The following AP2A2 variants were observed in gnomAD, a reference collection of about 807,000 sequenced individuals.
The protein encoded by AP2A2 is AP-2 complex subunit alpha-2.
Under a neutral mutation model 104.2 loss-of-function variants are expected in AP2A2, and 32 were observed. That is an observed-to-expected ratio of 0.31 (90% CI 0.23 to 0.41). AP2A2 has a LOEUF of 0.41. Among genes scored for constraint, AP2A2 ranks in the 10% least tolerant of loss-of-function variants. The pLI, the probability that AP2A2 is intolerant of heterozygous loss-of-function variation, is 1.00. For missense variants in AP2A2, 912 were observed against 1,261.0 expected (o/e 0.72, Z 4.19); for synonymous variants, 539 against 533.3 (o/e 1.01, Z -0.15).
intron 15 of AP2A2, among the ~76,000 whole-genome samples, chr11:1,001,074 G>A (rs964238232): frequency 1.3e-5 from 2 of 152,146 alleles, no homozygotes; most frequent in Non-Finnish European, 2.9e-5. Context: ...CTTCTGTGAG[G>A]CCCACCCTGC....
chr11:979,675 C>CCTCA (rs1726751169), intron 5 of AP2A2, among the ~76,000 whole-genome samples: 1 of 152,204 alleles, frequency 6.6e-6, no homozygotes, highest in Non-Finnish European at 1.5e-5. Flanking sequence ...GATTGTCCTG[C>CCTCA]CTCAGCTTCC....
At chr11:997,963 C>A (rs958980354) in intron 14 of AP2A2, among the ~76,000 whole-genome samples, 1 of 152,140 alleles carries the variant, frequency 6.6e-6, no homozygotes, top group Non-Finnish European at 1.5e-5. Flanking sequence ...GTGCAGGAAC[C>A]AGGGTAACAT....
At chr11:994,419 C>G (rs1165008009) in intron 14 of AP2A2, among the ~76,000 whole-genome samples, 174 bp downstream of exon 14, 2 of 151,798 alleles carry the variant, frequency 1.3e-5, no homozygotes. Context: ...GCTGGACACG[C>G]TGCTGTCCTG....
intron 4 of AP2A2, among the ~76,000 whole-genome samples, chr11:973,501 G>A (rs1190747771): frequency 6.6e-6 from 1 of 152,214 alleles, no homozygotes; most frequent in East Asian, 1.9e-4. Context: ...AGAGCTCAGA[G>A]ATGGGTGACC....
intron 6 of AP2A2, among the ~76,000 whole-genome samples, chr11:983,050 G>A (rs566880943): frequency 8.0e-5 from 9 of 113,006 alleles, no homozygotes; most frequent in Non-Finnish European, 1.4e-4. Context: ...AGTCGGAGTC[G>A]CACTCTGTTG....
Position 925,984 on chromosome 11 carries a change from CG to C in AP2A2, c.-35del. On this transcript the variant is annotated 5_prime_UTR_variant, in exon 1 of 22. Coordinates refer to ENST00000448903, the MANE Select transcript of AP2A2 (RefSeq NM_012305.4). ...TTCCCGCTCCCCGCGCTCCTCCGCC[CG>C]GGTCCGCCAGCCGAGGCCGCTCCCG... 1 of 1,380,882 alleles carries C rather than the reference CG, an allele frequency of 7.2e-7. No individual in the cohort carries two copies. The highest frequency in any genetic ancestry group is 1.5e-5 in the South Asian group (1 of 65,172). 85.5% of individuals were successfully genotyped at this position (1,380,882 alleles called of 1,614,324 possible).
At chr11:983,006 ATTTTCT>A (rs1855302389) in intron 6 of AP2A2, among the ~76,000 whole-genome samples, 1 of 110,490 alleles carries the variant, frequency 9.1e-6, no homozygotes, top group Non-Finnish European at 1.8e-5. Flanking sequence ...AACTGTGCAT[ATTTTCT>A]TTTTCTTTTT....
chr11:995,454 G>C (rs544863506), intron 14 of AP2A2: 1 of 455,454 alleles, frequency 2.2e-6, no homozygotes, highest in African/African-American at 2.0e-5. Context: ...TGTTTGTCCA[G>C]TTAGAGGACC....
At chr11:998,808 C>T (rs1049092345) in intron 14 of AP2A2, among the ~76,000 whole-genome samples, 1 of 152,190 alleles carries the variant, frequency 6.6e-6, no homozygotes. Context: ...GTTCTCCTGC[C>T]TCCACCTCCT....
chr11:952,323 CCT>C (rs1411180935), intron 1 of AP2A2, among the ~76,000 whole-genome samples: 3 of 152,292 alleles, frequency 2.0e-5, no homozygotes, highest in East Asian at 3.9e-4. Flanking sequence ...GAATACTAAT[CCT>C]CTCTGTTGAT....
Position 1,010,655 on chromosome 11 carries a change from T to C in AP2A2, c.*30T>C. 2 of 1,531,896 alleles carry C rather than the reference T, an allele frequency of 1.3e-6. No individual in the cohort carries two copies. Among genetic ancestry groups the C allele is most frequent in the Non-Finnish European group, 1.8e-6 (2 of 1,124,406 alleles). 94.9% of individuals were successfully genotyped at this position (1,531,896 alleles called of 1,614,324 possible). On this transcript the variant is annotated 3_prime_UTR_variant, in exon 22 of 22. Coordinates refer to ENST00000448903, the MANE Select transcript of AP2A2 (RefSeq NM_012305.4). Reference sequence around the variant, plus strand: ...GAGGATGGAAGACCAGGCTCGTGTGTCTTGTGTTGTCTTCGTCTGTGCCGT... The same window carrying C: ...GAGGATGGAAGACCAGGCTCGTGTGCCTTGTGTTGTCTTCGTCTGTGCCGT...
At chr11:972,553 C>A (rs1008025637) in intron 4 of AP2A2, among the ~76,000 whole-genome samples, 3 of 152,162 alleles carry the variant, frequency 2.0e-5, no homozygotes, top group Non-Finnish European at 2.9e-5. Flanking sequence ...AAAAATTAGC[C>A]AGTTGTGGTG....
At chr11:939,084 A>T (rs1311492296) in intron 1 of AP2A2, among the ~76,000 whole-genome samples, 1 of 151,738 alleles carries the variant, frequency 6.6e-6, no homozygotes, top group Admixed American at 6.6e-5. Flanking sequence ...CCCTGTCTCT[A>T]CTAAAAATAT....
At chr11:958,696 C>T (rs1277822379) in intron 1 of AP2A2, among the ~76,000 whole-genome samples, 1 of 152,122 alleles carries the variant, frequency 6.6e-6, no homozygotes, top group East Asian at 1.9e-4. Flanking sequence ...TTGCTGAGGA[C>T]TTCTCTTGTA....
intron 17 of AP2A2, chr11:1,007,561 G>A (rs776275650): frequency 1.2e-4 from 25 of 205,426 alleles, no homozygotes; most frequent in Non-Finnish European, 2.3e-4. Context: ...AGGAGAGGCT[G>A]TAGGCAAACC....
chr11:971,146 G>GAT (rs572688490), intron 3 of AP2A2, among the ~76,000 whole-genome samples: 1 of 152,238 alleles, frequency 6.6e-6, no homozygotes, highest in Non-Finnish European at 1.5e-5. Flanking sequence ...GATTAGCCTT[G>GAT]AGGACGGAGG....
At chr11:947,333 T>C (rs1853880771) in intron 1 of AP2A2, among the ~76,000 whole-genome samples, 1 of 152,136 alleles carries the variant, frequency 6.6e-6, no homozygotes, top group South Asian at 2.1e-4. Context: ...AAAAGACAAC[T>C]GTACAAAGTA....
chr11:994,392 T>A (rs548484642), intron 14 of AP2A2, 147 bp downstream of exon 14: 2 of 1,003,408 alleles, frequency 2.0e-6, no homozygotes, highest in Admixed American at 5.6e-5. Context: ...TGTCCTGTCC[T>A]GGGGGCCACT....
At chr11:953,258 G>C (rs1003780169) in intron 1 of AP2A2, among the ~76,000 whole-genome samples, 2 of 151,690 alleles carry the variant, frequency 1.3e-5, no homozygotes, top group African/African-American at 4.8e-5. Flanking sequence ...TCTGCCTCTC[G>C]GGTTCAGGCA....
Sources: gnomAD v4.1 joint callset for allele counts (sites outside exome capture counted in the v4.1 genomes callset) on GRCh38, gnomAD v4.1.1 for gene constraint, MANE v1.5 for transcripts, NCBI Gene and HGNC (gene_info 2026-07-23, HGNC 2026-07-21) for gene names.